FSTL5: variants seen among roughly 807,000 people sequenced by gnomAD.
The protein encoded by FSTL5 is follistatin like 5, also known as follistatin-related protein 5.
In FSTL5, 62 loss-of-function variants were observed where a neutral mutation model predicts 89.1. The observed-to-expected ratio is 0.70, with a 90% CI of 0.57 to 0.86. The LOEUF is 0.86. Among genes scored for constraint, FSTL5 ranks in the 40% least tolerant of loss-of-function variants. FSTL5 has a pLI of 0.00. For missense variants in FSTL5, 1,057 were observed against 1,001.6 expected, an observed-to-expected ratio of 1.06 and a Z score of -0.75; for synonymous variants, 383 against 346.2, an observed-to-expected ratio of 1.11 and a Z score of -1.18.
At chr4:161,581,444 CAGTCTGGCCAAGTTTAGCT>C in intron 8 of FSTL5, among the ~76,000 whole-genome samples, 1 of 152,298 alleles carries the variant, frequency 6.6e-6, no homozygotes, top group Non-Finnish European at 1.5e-5. Flanking sequence ...GATCTCTCTG[CAGTCTGGCCAAGTTTAGCT>C]AGGACGGTTT....
chr4:162,058,148 G>A (rs1443845996), intron 2 of FSTL5, among the ~76,000 whole-genome samples: 2 of 152,074 alleles, frequency 1.3e-5, no homozygotes, highest in Non-Finnish European at 2.9e-5. Context: ...AAGGGTGAGT[G>A]TGGGTAATGA....
chr4:161,576,653 C>A (rs1301931586), intron 8 of FSTL5, among the ~76,000 whole-genome samples: 1 of 152,202 alleles, frequency 6.6e-6, no homozygotes, highest in African/African-American at 2.4e-5. Context: ...TTTCTTAACA[C>A]ATTAGACTCT....
At chr4:161,833,592 T>C (rs938216116) in intron 4 of FSTL5, among the ~76,000 whole-genome samples, 2 of 151,738 alleles carry the variant, frequency 1.3e-5, no homozygotes, top group African/African-American at 2.4e-5. Flanking sequence ...ATATTTAGGA[T>C]AGTTAGCTCT....
chr4:161,672,803 C>A (rs1027383648), intron 6 of FSTL5, among the ~76,000 whole-genome samples: 1 of 149,830 alleles, frequency 6.7e-6, no homozygotes, highest in African/African-American at 2.5e-5. Context: ...CTTAAGCCTA[C>A]AATTGTTGCC....
At chr4:161,655,870 A>G (rs1386144785) in intron 7 of FSTL5, among the ~76,000 whole-genome samples, 1 of 152,166 alleles carries the variant, frequency 6.6e-6, no homozygotes, top group Non-Finnish European at 1.5e-5. Context: ...ATAGATTCCT[A>G]TTACATGCAA....
At chr4:161,400,723 G>A (rs1458584311) in intron 15 of FSTL5, among the ~76,000 whole-genome samples, 4 of 152,060 alleles carry the variant, frequency 2.6e-5, no homozygotes, top group Admixed American at 2.0e-4. Context: ...ATCAAAAAAT[G>A]TTTGTAGTAC....
intron 7 of FSTL5, among the ~76,000 whole-genome samples, chr4:161,604,787 G>A (rs916152173): frequency 3.3e-5 from 5 of 152,130 alleles, no homozygotes; most frequent in Admixed American, 6.5e-5. Flanking sequence ...GGAGCCTAGG[G>A]ACTGCCTAGG....
intron 2 of FSTL5, among the ~76,000 whole-genome samples, chr4:162,058,552 C>T (rs372197430): frequency 1.3e-5 from 2 of 150,270 alleles, no homozygotes; most frequent in East Asian, 2.0e-4. Context: ...TCAGCCCTCC[C>T]GAGTAGCTGG....
At chr4:162,094,438 A>G (rs574217366) in intron 2 of FSTL5, among the ~76,000 whole-genome samples, 1 of 152,324 alleles carries the variant, frequency 6.6e-6, no homozygotes, top group East Asian at 1.9e-4. Context: ...CGAGAATTTC[A>G]TAATAGTGCC....
intron 6 of FSTL5, among the ~76,000 whole-genome samples, chr4:161,728,356 T>C (rs1739492695): frequency 6.6e-6 from 1 of 152,128 alleles, no homozygotes; most frequent in Non-Finnish European, 1.5e-5. Context: ...GGAGTCACAT[T>C]TAGCTAAACA....
intron 4 of FSTL5, among the ~76,000 whole-genome samples, chr4:161,886,269 T>C (rs746972175): frequency 1.3e-5 from 2 of 152,158 alleles, no homozygotes; most frequent in Non-Finnish European, 2.9e-5. Flanking sequence ...CTTCTCAAAG[T>C]GTGGACATTT....
chr4:161,692,629 A>T (rs1737981587), intron 6 of FSTL5, among the ~76,000 whole-genome samples: 1 of 152,172 alleles, frequency 6.6e-6, no homozygotes, highest in South Asian at 2.1e-4. Flanking sequence ...GTCCAGGGGG[A>T]CAACCCTATG....
intron 4 of FSTL5, among the ~76,000 whole-genome samples, chr4:161,880,186 T>A (rs1046075484): frequency 2.0e-5 from 3 of 152,130 alleles, no homozygotes; most frequent in Non-Finnish European, 4.4e-5. Context: ...TTTTACTGCA[T>A]GCAAATTTTA....
At chr4:161,893,429 A>T (rs1213963176) in intron 4 of FSTL5, among the ~76,000 whole-genome samples, 1 of 152,060 alleles carries the variant, frequency 6.6e-6, no homozygotes, top group African/African-American at 2.4e-5. Flanking sequence ...TCTTACCATA[A>T]TTTTTTGATT....
Position 161,591,306 on chromosome 4 carries a change from G to GATTC in FSTL5, c.895-3732_895-3731insGAAT, listed in dbSNP as rs541639988. ...GGATTTGTGGTAACCAGGGACTGAG[G>GATTC]GAATGGGGGAGTGGGAAATAACTGC... On this transcript the variant is annotated intron_variant, in intron 7 of 15. Coordinates refer to ENST00000306100, the MANE Select transcript of FSTL5 (RefSeq NM_020116.5). Among the ~76,000 whole-genome samples, 300 of 152,272 alleles carry GATTC rather than the reference G, an allele frequency of 2.0e-3. 1 individual carries two copies. Among genetic ancestry groups the GATTC allele is most frequent in the Admixed American group, 4.3e-3 (66 of 15,276 alleles).
chr4:161,631,820 A>C (rs926213676), intron 7 of FSTL5, among the ~76,000 whole-genome samples: 13 of 152,220 alleles, frequency 8.5e-5, no homozygotes, highest in African/African-American at 2.9e-4. Context: ...TCATTGAAGA[A>C]AAATAGTTTC....
chr4:162,158,377 C>T (rs1313765183), intron 1 of FSTL5, among the ~76,000 whole-genome samples: 1 of 151,968 alleles, frequency 6.6e-6, no homozygotes, highest in Non-Finnish European at 1.5e-5. Context: ...AGAGGGAAAA[C>T]CCCTTAAGGT....
intron 3 of FSTL5, among the ~76,000 whole-genome samples, chr4:161,959,055 T>C (rs1302667135): frequency 3.3e-5 from 5 of 152,134 alleles, no homozygotes; most frequent in Non-Finnish European, 4.4e-5. Context: ...ATATTGATGA[T>C]TGCATGTTTC....
At chr4:161,931,799 C>G (rs1439509013) in intron 3 of FSTL5, among the ~76,000 whole-genome samples, 1 of 151,784 alleles carries the variant, frequency 6.6e-6, no homozygotes, top group East Asian at 1.9e-4. Context: ...TGGTAAGTTC[C>G]TCTCTCCTGT....
Sources: gnomAD v4.1 joint callset for allele counts (sites outside exome capture counted in the v4.1 genomes callset) on GRCh38, gnomAD v4.1.1 for gene constraint, MANE v1.5 for transcripts, NCBI Gene and HGNC (gene_info 2026-07-23, HGNC 2026-07-21) for gene names.